The following PCDH17 variants were observed in gnomAD, a reference collection of about 807,000 sequenced individuals.
PCDH17 encodes protocadherin-17.
Under a neutral mutation model 67.7 loss-of-function variants are expected in PCDH17, and 21 were observed. The ratio of observed to expected loss-of-function variants is 0.31; its 90% confidence interval spans 0.22 to 0.45. PCDH17 has a LOEUF of 0.45. PCDH17 is among the 20% of genes least tolerant of loss of function. PCDH17 has a pLI of 1.00. For synonymous variants in PCDH17, 701 were observed against 656.7 expected, an observed-to-expected ratio of 1.07 and a Z score of -1.03; for missense variants, 1,471 against 1,564.8, an observed-to-expected ratio of 0.94 and a Z score of 1.01.
chr13:57,688,529 G>A (rs1955528196), intron 3 of PCDH17, among the ~76,000 whole-genome samples: 1 of 151,918 alleles, frequency 6.6e-6, no homozygotes, highest in African/African-American at 2.4e-5. Context: ...CAAATTTTGT[G>A]TTTTGATTTG....
intron 3 of PCDH17, among the ~76,000 whole-genome samples, chr13:57,718,780 T>G (rs2138099162): frequency 6.6e-6 from 1 of 152,070 alleles, no homozygotes; most frequent in East Asian, 1.9e-4. Context: ...TTAGAATATA[T>G]TGGGATAAAT....
At chr13:57,719,570 C>T (rs867352317) in intron 3 of PCDH17, among the ~76,000 whole-genome samples, 1 of 151,970 alleles carries the variant, frequency 6.6e-6, no homozygotes, top group African/African-American at 2.4e-5. Context: ...AAGTCTGAAA[C>T]TCAGGGGAGG....
intron 3 of PCDH17, among the ~76,000 whole-genome samples, chr13:57,720,865 A>C (rs1047420573): frequency 1.4e-4 from 22 of 152,206 alleles, no homozygotes; most frequent in African/African-American, 5.3e-4. Flanking sequence ...AATTGAACTA[A>C]TTAAGGTTAC....
At chr13:57,672,780 A>C (rs1349881792) in intron 3 of PCDH17, among the ~76,000 whole-genome samples, 1 of 151,998 alleles carries the variant, frequency 6.6e-6, no homozygotes, top group Non-Finnish European at 1.5e-5. Context: ...TAAGCAGTCG[A>C]GATCTTTTCC....
intron 3 of PCDH17, among the ~76,000 whole-genome samples, chr13:57,691,651 T>G (rs893383133): frequency 2.6e-5 from 4 of 151,292 alleles, no homozygotes; most frequent in African/African-American, 7.3e-5. Context: ...AATTAAAAAT[T>G]TAAAAGCTTT....
chr13:57,696,131 A>G (rs945260875), intron 3 of PCDH17, among the ~76,000 whole-genome samples: 2 of 151,386 alleles, frequency 1.3e-5, no homozygotes, highest in Admixed American at 1.3e-4. Context: ...TGTTCTTAGT[A>G]AAAAATAGGA....
intron 3 of PCDH17, among the ~76,000 whole-genome samples, chr13:57,678,570 T>C (rs561607264): frequency 6.6e-6 from 1 of 151,780 alleles, no homozygotes; most frequent in Non-Finnish European, 1.5e-5. Context: ...AATAGGTGGC[T>C]CTAATCTTTT....
At chr13:57,641,241 C>T (rs1438984560) in intron 1 of PCDH17, among the ~76,000 whole-genome samples, 1 of 151,558 alleles carries the variant, frequency 6.6e-6, no homozygotes, top group Non-Finnish European at 1.5e-5. Flanking sequence ...TAGTCATAAG[C>T]TTTCACCACT....
chr13:57,687,332 AAGGGAATTAAAATTTATTCAC>A (rs1221819690), intron 3 of PCDH17, among the ~76,000 whole-genome samples: 43 of 152,032 alleles, frequency 2.8e-4, no homozygotes, highest in Admixed American at 2.8e-3. Context: ...AGAGAGGAGA[AAGGGAATTAAAATTTATTCAC>A]AGGTGTGTGA....
chr13:57,683,299 G>GT (rs1955474428), intron 3 of PCDH17, among the ~76,000 whole-genome samples: 1 of 151,806 alleles, frequency 6.6e-6, no homozygotes, highest in Non-Finnish European at 1.5e-5. Flanking sequence ...CTTCCATCAG[G>GT]TTTTAACAAT....
chr13:57,646,918 G>C (rs1954972547), intron 1 of PCDH17, among the ~76,000 whole-genome samples: 1 of 151,758 alleles, frequency 6.6e-6, no homozygotes, highest in East Asian at 1.9e-4. Context: ...GATCCAGGGG[G>C]ATGTCAAAAT....
intron 3 of PCDH17, among the ~76,000 whole-genome samples, chr13:57,671,603 A>C (rs1955323772): frequency 6.6e-6 from 1 of 152,070 alleles, no homozygotes; most frequent in Non-Finnish European, 1.5e-5. Context: ...AAAAGATTTA[A>C]TAAGCATTTT....
At chr13:57,653,534 A>G (rs956368837) in intron 1 of PCDH17, among the ~76,000 whole-genome samples, 17 of 152,282 alleles carry the variant, frequency 1.1e-4, no homozygotes, top group African/African-American at 3.8e-4. Context: ...CTAGCCTTTC[A>G]TAAATTTCAT....
At chr13:57,654,317 CA>C (rs1453320968) in intron 1 of PCDH17, among the ~76,000 whole-genome samples, 1 of 151,582 alleles carries the variant, frequency 6.6e-6, no homozygotes, top group Admixed American at 6.6e-5. Context: ...GGCTGAGTTC[CA>C]ATAAAACTTT....
chr13:57,634,089 C>A lies in PCDH17; in HGVS notation c.1543C>A (p.His515Asn). The change falls in exon 1 of 4, where the codon CAC becomes AAC. Residue 515 changes from histidine (H) to asparagine (N), a missense_variant. By Grantham distance (68) the His-to-Asn change is moderately conservative. This residue lies in a region of PCDH17 where 1,163 missense variants were observed against 1,230.0 expected (regional missense o/e 0.95). Transcript: ENST00000377918. This position sits in a 1 kb window ranked among gnomAD's most constrained non-coding sequence, Gnocchi z 7.8. ...CGTATCCTACTCTATCCTGCCCTCGCACATCGGCGACGTGTCTATCTACAC... is the reference window on the plus strand; with the variant it reads ...CGTATCCTACTCTATCCTGCCCTCGAACATCGGCGACGTGTCTATCTACAC... ...GTVSYSILPS[H>N]IGDVSIYTYV... 6.2e-7 allele frequency: 1 copy of A among 1,612,820 alleles called. No homozygotes were observed. Among genetic ancestry groups the A allele is most frequent in the Non-Finnish European group, 8.5e-7 (1 of 1,179,786 alleles).
chr13:57,683,051 T>C (rs923465213), intron 3 of PCDH17, among the ~76,000 whole-genome samples: 12 of 151,810 alleles, frequency 7.9e-5, no homozygotes, highest in African/African-American at 2.7e-4. Flanking sequence ...TTACTAGAGC[T>C]TTTGCGTGAC....
Position 57,725,264 on chromosome 13 carries a change from G to A in PCDH17, c.3450G>A (p.Arg1150=), listed in dbSNP as rs747958395. ...REIDKLLQDC[R]GNDPVAVRK ...TTGATAAGCTTTTGCAAGACTGCCG[G>A]GGAAACGACCCTGTGGCTGTGAGAA... Residue 1150 remains arginine (R), a synonymous_variant, in exon 4 of 4, where the codon CGG becomes CGA. Coordinates refer to ENST00000377918, the MANE Select transcript of PCDH17 (RefSeq NM_001040429.3). 3.1e-6 allele frequency: 5 copies of A among 1,611,144 alleles called. No homozygotes were observed. In the African/African-American group the frequency reaches 4.0e-5, roughly 13 times the overall value.
In PCDH17 at chr13:57,727,860, G is replaced by A. The variant is rs1955926303; in HGVS notation, c.*2566G>A. The A allele has an allele frequency of 6.6e-6, 1 of 152,464 alleles. No homozygotes were observed. Among genetic ancestry groups the A allele is most frequent in the Admixed American group, 6.6e-5 (1 of 15,252 alleles). 9.4% of individuals were successfully genotyped at this position (152,464 alleles called of 1,614,324 possible). A position where few individuals can be genotyped will look rare whatever the true frequency, so the allele number is the denominator to read the frequency against. On this transcript the variant is annotated 3_prime_UTR_variant, in exon 4 of 4. Transcript: ENST00000377918. ...AGATATCCACTTAGTAAAATCTAAA[G>A]CAGTATGTAAATGAAACCAGCAAAG... is the stretch of plus-strand genomic sequence containing the variant.
At chr13:57,704,099 A>G (rs1363879681) in intron 3 of PCDH17, among the ~76,000 whole-genome samples, 1 of 152,052 alleles carries the variant, frequency 6.6e-6, no homozygotes, top group African/African-American at 2.4e-5. Context: ...ACTCTTAGAT[A>G]CCTGTTCTCT....
Sources: allele counts gnomAD v4.1 joint callset (sites outside exome capture counted in the v4.1 genomes callset), GRCh38; gene constraint gnomAD v4.1.1; regional missense constraint gnomAD v4.1.1; non-coding constraint Gnocchi (gnomAD v3.1); transcripts MANE v1.5; gene names NCBI Gene and HGNC (gene_info 2026-07-23, HGNC 2026-07-21).